The following SLC44A5 variants were observed in gnomAD, a reference collection of about 807,000 sequenced individuals.
SLC44A5 encodes the protein choline transporter-like protein 5.
Under a neutral mutation model 101.8 loss-of-function variants are expected in SLC44A5, and 57 were observed. The observed-to-expected ratio is 0.56, with a 90% confidence interval of 0.45 to 0.70. The LOEUF (loss-of-function observed/expected upper bound fraction) is 0.70. Among genes scored for constraint, SLC44A5 ranks in the 30% least tolerant of loss-of-function variants. SLC44A5 has a pLI of 0.00. For missense variants in SLC44A5, 737 were observed against 853.1 expected (o/e 0.86, Z 1.70); for synonymous variants, 281 against 290.9 (o/e 0.97, Z 0.35).
At chr1:75,682,718 C>A in the SLC44A5 span, among the ~76,000 whole-genome samples, 234 of 150,482 alleles carry the variant, frequency 1.6e-3, 1 homozygote, top group African/African-American at 5.3e-3. Context: ...GTCTAAAACA[C>A]CAAAAGCAAT....
intron 2 of SLC44A5, among the ~76,000 whole-genome samples, chr1:75,500,906 G>A (rs951350543): frequency 5.3e-5 from 8 of 152,078 alleles, no homozygotes; most frequent in Admixed American, 2.6e-4. Flanking sequence ...TGAACAAATC[G>A]ATGTATCATC....
intron 4 of SLC44A5, among the ~76,000 whole-genome samples, chr1:75,326,845 G>A (rs2100983889): frequency 6.6e-6 from 1 of 152,140 alleles, no homozygotes; most frequent in South Asian, 2.1e-4. Flanking sequence ...TAAAAAACAA[G>A]TGATATCAAA....
At chr1:75,628,645 A>G in the SLC44A5 span, among the ~76,000 whole-genome samples, 1 of 152,214 alleles carries the variant, frequency 6.6e-6, no homozygotes, top group East Asian at 1.9e-4. Flanking sequence ...CAAAAAAAGT[A>G]AATAGCATTC....
At chr1:75,408,377 G>A (rs1663045088) in intron 2 of SLC44A5, among the ~76,000 whole-genome samples, 1 of 152,034 alleles carries the variant, frequency 6.6e-6, no homozygotes, top group South Asian at 2.1e-4. Context: ...ATACCCAAAG[G>A]ATTACAACTC....
intron 2 of SLC44A5, among the ~76,000 whole-genome samples, chr1:75,468,909 T>C (rs1469858897): frequency 6.6e-6 from 1 of 152,176 alleles, no homozygotes; most frequent in Non-Finnish European, 1.5e-5. Flanking sequence ...ATACATTGCA[T>C]ACCTGCATCA....
chr1:75,591,818 A>G (rs1674370582), intron 1 of SLC44A5, among the ~76,000 whole-genome samples: 1 of 133,136 alleles, frequency 7.5e-6, no homozygotes, highest in Admixed American at 8.1e-5. Context: ...ATTTTATAAC[A>G]GTCAACATCC....
At chr1:75,644,641 TA>T in the SLC44A5 span, among the ~76,000 whole-genome samples, 1,621 of 92,258 alleles carry the variant, frequency 0.018, 18 homozygotes, top group African/African-American at 0.04. Context: ...TATATATATA[TA>T]TTTTTTTTTA....
the SLC44A5 span, among the ~76,000 whole-genome samples, chr1:75,698,795 G>C: frequency 2.0e-5 from 3 of 152,284 alleles, no homozygotes; most frequent in Admixed American, 2.0e-4. Context: ...AATCAATATA[G>C]AGAAGTGCTT....
chr1:75,347,139 A>G (rs185993525), intron 3 of SLC44A5, among the ~76,000 whole-genome samples: 16 of 152,306 alleles, frequency 1.1e-4, no homozygotes, highest in African/African-American at 3.6e-4. Context: ...TTAAGAATAA[A>G]TACCACTAAA....
At chr1:75,204,364 C>T (rs1646714237) in intron 23 of SLC44A5, 1 of 152,016 alleles carries the variant, frequency 6.6e-6, no homozygotes, top group Admixed American at 6.6e-5. Flanking sequence ...CATTTTTATT[C>T]TACATATTTC....
At chr1:75,463,248 C>T (rs1024581430) in intron 2 of SLC44A5, among the ~76,000 whole-genome samples, 5 of 151,914 alleles carry the variant, frequency 3.3e-5, no homozygotes, top group East Asian at 1.9e-4. Flanking sequence ...GGTGAAACCC[C>T]GTCTCTACTA....
chr1:75,287,094 T>A (rs762922958), intron 5 of SLC44A5, among the ~76,000 whole-genome samples: 2 of 152,130 alleles, frequency 1.3e-5, no homozygotes, highest in Non-Finnish European at 2.9e-5. Flanking sequence ...TAAATTTGGT[T>A]GTTTATCATA....
In SLC44A5 at chr1:75,271,497, T is replaced by TTTTTTTTGTGTGTGTG. The variant is rs1553152601; in HGVS notation, c.260+3460_260+3461insCACACACACAAAAAAA. Among the ~76,000 whole-genome samples, 1,009 of 146,330 alleles carry TTTTTTTTGTGTGTGTG rather than the reference T, an allele frequency of 6.9e-3. 16 individuals carry two copies. Among genetic ancestry groups the TTTTTTTTGTGTGTGTG allele is most frequent in the Admixed American group, 0.032 (465 of 14,502 alleles). ...AGTCCATTATATCACTCTGCATGTT[T>TTTTTTTTGTGTGTGTG]TGTGTGTGTGTGTGTGTGTGTGTGT... On this transcript the variant is annotated intron_variant, in intron 6 of 23. Transcript: ENST00000370859.
At chr1:75,428,650 C>G (rs985502703) in intron 2 of SLC44A5, among the ~76,000 whole-genome samples, 29 of 152,162 alleles carry the variant, frequency 1.9e-4, no homozygotes, top group African/African-American at 6.8e-4. Context: ...ATCCCCAGTA[C>G]AAGCACCAAT....
chr1:75,713,662 T>C, the SLC44A5 span, among the ~76,000 whole-genome samples: 2 of 152,180 alleles, frequency 1.3e-5, no homozygotes, highest in African/African-American at 4.8e-5. Context: ...GTAAGATTTA[T>C]ATTGTATCTA....
At chr1:75,365,612 C>A (rs1305898719) in intron 3 of SLC44A5, among the ~76,000 whole-genome samples, 2 of 152,068 alleles carry the variant, frequency 1.3e-5, no homozygotes, top group Non-Finnish European at 2.9e-5. Flanking sequence ...GCACTATTCA[C>A]AATAACAAAG....
chr1:75,705,552 AT>A, the SLC44A5 span, among the ~76,000 whole-genome samples: 1 of 152,084 alleles, frequency 6.6e-6, no homozygotes, highest in East Asian at 1.9e-4. Context: ...GCATTCTCTG[AT>A]TTTTTTAAAT....
At chr1:75,520,068 G>T (rs1366228376) in intron 2 of SLC44A5, among the ~76,000 whole-genome samples, 1 of 152,212 alleles carries the variant, frequency 6.6e-6, no homozygotes, top group East Asian at 1.9e-4. Flanking sequence ...ACTCTGAACT[G>T]ACTTTAAGTT....
chr1:75,396,078 A>T (rs944325319), intron 3 of SLC44A5, among the ~76,000 whole-genome samples: 1 of 152,114 alleles, frequency 6.6e-6, no homozygotes, highest in Non-Finnish European at 1.5e-5. Context: ...GAGATGCTGA[A>T]TTTCCAACTC....
Sources: gnomAD v4.1 joint callset for allele counts (sites outside exome capture counted in the v4.1 genomes callset) on GRCh38, gnomAD v4.1.1 for gene constraint, MANE v1.5 for transcripts, NCBI Gene and HGNC (gene_info 2026-07-23, HGNC 2026-07-21) for gene names.